The following KIRREL3 variants were observed in gnomAD, a reference collection of about 807,000 sequenced individuals.
KIRREL3 encodes the protein kirre like nephrin family adhesion molecule 3, also known as kin of IRRE-like protein 3.
KIRREL3 carries 36 observed loss-of-function variants against 89.7 expected under a neutral mutation model. The ratio of observed to expected loss-of-function variants is 0.40; its 90% CI spans 0.31 to 0.53. The LOEUF is 0.53. Among genes scored for constraint, KIRREL3 ranks in the 20% least tolerant of loss-of-function variants. The probability of loss-of-function intolerance (pLI) is 0.49; values close to 1 mark genes in which losing one functional copy is unlikely to be tolerated. For missense variants in KIRREL3, 864 were observed against 1,056.6 expected (o/e 0.82, Z 2.53); for synonymous variants, 445 against 441.4 (o/e 1.01, Z -0.10).
Position 126,463,223 on chromosome 11 carries a change from C to A in KIRREL3, c.676G>T (p.Val226Leu). The change falls in exon 6 of 17, where the codon GTG becomes TTG. Residue 226 changes from valine to leucine, a missense_variant. Val to Leu is a conservative substitution (Grantham distance 32). Transcript: ENST00000525144. This position sits in a 1 kb window ranked among gnomAD's most constrained non-coding sequence, Gnocchi z 5.9. Reference protein sequence around the residue: ...PGDVENGQSIVCRATNKAIPG... With the variant: ...PGDVENGQSILCRATNKAIPG... ...ATGGCTTTGTTGGTGGCACGACACA[C>A]GATGCTCTGGCCATTCTCCACGTCA... The A allele has an allele frequency of 1.9e-6, 3 of 1,613,952 alleles. No homozygotes were observed. Among genetic ancestry groups the A allele is most frequent in the Non-Finnish European group, 2.5e-6 (3 of 1,179,860 alleles).
chr11:126,821,298 T>C (rs1943207067), intron 1 of KIRREL3, among the ~76,000 whole-genome samples: 1 of 140,666 alleles, frequency 7.1e-6, no homozygotes, highest in South Asian at 2.3e-4. Context: ...TGATAGAATA[T>C]TAGATTTTCA....
intron 4 of KIRREL3, among the ~76,000 whole-genome samples, chr11:126,517,881 T>C (rs1451333376): frequency 6.6e-6 from 1 of 152,220 alleles, no homozygotes; most frequent in Non-Finnish European, 1.5e-5. Context: ...CCAAGACCAC[T>C]GCCTCTAAGT....
intron 1 of KIRREL3, among the ~76,000 whole-genome samples, chr11:126,950,755 T>C (rs752084186): frequency 2.6e-5 from 4 of 152,218 alleles, no homozygotes; most frequent in Non-Finnish European, 5.9e-5. Flanking sequence ...AGCCTGGGGA[T>C]TCTGGAATGC....
At chr11:126,479,330 T>G (rs1239604582) in intron 4 of KIRREL3, among the ~76,000 whole-genome samples, 1 of 152,150 alleles carries the variant, frequency 6.6e-6, no homozygotes, top group Non-Finnish European at 1.5e-5. Context: ...CCTCCCAACC[T>G]TTCTCTCACC....
At position 126,987,283 on chromosome 11, in the gene KIRREL3, T is replaced by A. The variant is rs1949893916; in HGVS notation, c.55+13172A>T. ...TGAGCAAATCTAGCAGAGTCTATAG[T>A]ACGCATAAAGTCAACAATGAACAAG... On this transcript the variant is annotated intron_variant, in intron 1 of 16. Transcript: ENST00000525144. This position sits in a 1 kb window ranked among gnomAD's most constrained non-coding sequence, Gnocchi z 4.6. Among the ~76,000 whole-genome samples the A allele has an allele frequency of 6.6e-6, 1 of 152,208 alleles. No homozygotes were observed. The highest frequency in any genetic ancestry group is 2.1e-4 in the South Asian group (1 of 4,832).
In KIRREL3 at chr11:126,554,691, G is replaced by A. The variant is rs1270800652; in HGVS notation, c.133+8144C>T. 2.0e-5 allele frequency among the ~76,000 whole-genome samples: 3 copies of A among 152,274 alleles called. No homozygotes were observed. The East Asian group carries it at 5.8e-4, about 29-fold the overall frequency. ...ACAGAGCCAACTGACTGGTAGGGGA[G>A]ACAGGTGTTATTAACACAAAATAAC... is the stretch of plus-strand genomic sequence containing the variant. On this transcript the variant is annotated intron_variant, in intron 2 of 16. Coordinates refer to ENST00000525144, the MANE Select transcript of KIRREL3 (RefSeq NM_032531.4).
chr11:126,849,107 G>C (rs1246106409), intron 1 of KIRREL3, among the ~76,000 whole-genome samples: 4 of 152,188 alleles, frequency 2.6e-5, no homozygotes, highest in African/African-American at 9.7e-5. Context: ...GTCGACACAA[G>C]AGGCAGGTCA....
chr11:126,492,042 T>C lies in KIRREL3; in HGVS notation c.434-18576A>G, dbSNP rs1345410651. Among the ~76,000 whole-genome samples, 1 of 152,100 alleles carries C rather than the reference T, an allele frequency of 6.6e-6. No homozygotes were observed. The highest frequency in any genetic ancestry group is 1.9e-4 in the East Asian group (1 of 5,186). ...TAGAGGGATTTCAGAATCTGGACTT[T>C]TATTGTCTCACTTCCCTTCAGTGAG... On this transcript the variant is annotated intron_variant, in intron 4 of 16. Coordinates refer to ENST00000525144, the MANE Select transcript of KIRREL3 (RefSeq NM_032531.4). The surrounding 1 kb of genome is among the most constrained non-coding windows in gnomAD (Gnocchi z 4.8).
rs779065026 is a variant in KIRREL3 at position 126,651,208 on chromosome 11, T to C, written c.56-88296A>G. On this transcript the variant is annotated intron_variant, in intron 1 of 16. Coordinates refer to ENST00000525144, the MANE Select transcript of KIRREL3 (RefSeq NM_032531.4). This position sits in a 1 kb window ranked among gnomAD's most constrained non-coding sequence, Gnocchi z 4.6. ...CACGTCTAAATGAGAAAATGGTTCC[T>C]TGCTATAGGATTTCTCAGCTAGACT... is the stretch of plus-strand genomic sequence containing the variant. Among the ~76,000 whole-genome samples, 4 of 152,226 alleles carry C rather than the reference T, an allele frequency of 2.6e-5. No individual in the cohort carries two copies. The highest frequency in any genetic ancestry group is 4.8e-5 in the African/African-American group (2 of 41,456).
At chr11:126,456,057 T>C (rs61062605) in intron 7 of KIRREL3, among the ~76,000 whole-genome samples, 3,050 of 109,252 alleles carry the variant, frequency 0.028, 123 homozygotes, top group Middle Eastern at 0.058. Context: ...TTTTTTTTTT[T>C]CCTGAGCCTT....
chr11:126,712,115 C>T (rs983337244), intron 1 of KIRREL3, among the ~76,000 whole-genome samples: 7 of 152,218 alleles, frequency 4.6e-5, no homozygotes, highest in Admixed American at 6.5e-5. Context: ...AGCAAAACAG[C>T]GCGCAGCGAC....
rs1183622678 is a variant in KIRREL3, at chr11:126,814,220, A to G, written c.55+186235T>C. Among the ~76,000 whole-genome samples, 4 of 152,220 alleles carry G rather than the reference A, an allele frequency of 2.6e-5. No individual in the cohort carries two copies. The highest frequency in any genetic ancestry group is 5.9e-5 in the Non-Finnish European group (4 of 68,034). ...CCACAATGACATACCATCTCATGCC[A>G]GGCAGAATGGCTTTTTTTTTAAAAT... On this transcript the variant is annotated intron_variant, in intron 1 of 16. Coordinates refer to ENST00000525144, the MANE Select transcript of KIRREL3 (RefSeq NM_032531.4). The surrounding 1 kb of genome is among the most constrained non-coding windows in gnomAD (Gnocchi z 4.4).
rs1436450198 is a variant in KIRREL3, at chr11:126,917,405, T to C, written c.55+83050A>G. On this transcript the variant is annotated intron_variant, in intron 1 of 16. Coordinates refer to ENST00000525144, the MANE Select transcript of KIRREL3 (RefSeq NM_032531.4). The surrounding 1 kb of genome is among the most constrained non-coding windows in gnomAD (Gnocchi z 5.0). ...TGATGGTTGCACAACATTGTCAATA[T>C]AGTTAATGCCACTAAACCGTATACT... Among the ~76,000 whole-genome samples the C allele has an allele frequency of 6.6e-6, 1 of 152,216 alleles. No homozygotes were observed. The highest frequency in any genetic ancestry group is 1.5e-5 in the Non-Finnish European group (1 of 68,044).
intron 1 of KIRREL3, among the ~76,000 whole-genome samples, chr11:126,923,728 G>C (rs1947575706): frequency 6.6e-6 from 1 of 152,112 alleles, no homozygotes; most frequent in Non-Finnish European, 1.5e-5. Flanking sequence ...ACAGGCATGA[G>C]CCACCGCACC....
intron 1 of KIRREL3, among the ~76,000 whole-genome samples, chr11:126,667,455 G>C (rs1007975866): frequency 1.1e-4 from 16 of 152,232 alleles, no homozygotes; most frequent in African/African-American, 3.4e-4. Flanking sequence ...CAATTGCCTA[G>C]AAAATAGTGG....
At chr11:126,901,998 G>C (rs1946389959) in intron 1 of KIRREL3, among the ~76,000 whole-genome samples, 1 of 152,188 alleles carries the variant, frequency 6.6e-6, no homozygotes, top group Non-Finnish European at 1.5e-5. Context: ...GCTGGGCCCT[G>C]CCTCTCCACT....
At chr11:126,835,573 G>A (rs1345083213) in intron 1 of KIRREL3, among the ~76,000 whole-genome samples, 1 of 152,190 alleles carries the variant, frequency 6.6e-6, no homozygotes, top group Non-Finnish European at 1.5e-5. Context: ...TGAGAATTTT[G>A]ATGTGGTCCC....
intron 1 of KIRREL3, among the ~76,000 whole-genome samples, chr11:126,868,283 C>T (rs1303552618): frequency 0.02 from 2 of 100 alleles, no homozygotes; most frequent in Non-Finnish European, 0.053. Context: ...AGCAGGGCAG[C>T]CCTTGACTGA....
intron 2 of KIRREL3, among the ~76,000 whole-genome samples, chr11:126,559,619 C>T (rs576603509): frequency 3.0e-4 from 45 of 151,744 alleles, no homozygotes; most frequent in Non-Finnish European, 5.4e-4. Flanking sequence ...GTGACACATA[C>T]ACTGAGATGT....
Sources: gnomAD v4.1 joint callset for allele counts (sites outside exome capture counted in the v4.1 genomes callset) on GRCh38, gnomAD v4.1.1 for gene constraint, Gnocchi (gnomAD v3.1) non-coding constraint, MANE v1.5 for transcripts, NCBI Gene and HGNC (gene_info 2026-07-23, HGNC 2026-07-21) for gene names.